Variants in GRIA1 observed in about 807,000 individuals in gnomAD.
GRIA1 encodes the protein glutamate receptor 1.
In GRIA1, 31 loss-of-function variants were observed where a neutral mutation model predicts 99.2. The ratio of observed to expected loss-of-function variants is 0.31; its 90% CI spans 0.23 to 0.42. GRIA1 has a LOEUF of 0.42. Among genes scored for constraint, GRIA1 ranks in the 10% least tolerant of loss-of-function variants. The probability of loss-of-function intolerance (pLI) is 1.00; values close to 1 mark genes in which losing one functional copy is unlikely to be tolerated. For missense variants in GRIA1, 782 were observed against 1,157.5 expected (o/e 0.68, Z 4.71); for synonymous variants, 438 against 432.4 (o/e 1.01, Z -0.16).
rs141729679 is a variant in GRIA1 at position 153,686,307 on chromosome 5, T to C, written c.1112T>C (p.Met371Thr). The C allele has an allele frequency of 2.0e-5, 32 of 1,613,696 alleles. No individual in the cohort carries two copies. Among genetic ancestry groups the C allele is most frequent in the Non-Finnish European group, 2.5e-5 (29 of 1,179,652 alleles). ...AACTACACGCTCCACGTGATTGAAA[T>C]GAAACATGACGGCATCCGAAAGGTA... Reference protein sequence around the residue: ...RTNYTLHVIEMKHDGIRKIGY... With the variant: ...RTNYTLHVIETKHDGIRKIGY... Residue 371 changes from methionine to threonine, a missense_variant, in exon 8 of 16, where the codon ATG becomes ACG. By Grantham distance (81) the Met-to-Thr change is moderately conservative. This residue lies in a region of GRIA1 where 461 missense variants were observed against 521.7 expected (regional missense o/e 0.88). Coordinates refer to ENST00000285900, the MANE Select transcript of GRIA1 (RefSeq NM_000827.4).
At chr5:153,679,483 G>T (rs1057459245) in intron 7 of GRIA1, among the ~76,000 whole-genome samples, 5 of 152,190 alleles carry the variant, frequency 3.3e-5, no homozygotes, top group Admixed American at 6.5e-5. Flanking sequence ...CTCACCCAGG[G>T]TCACACAGCA....
chr5:153,558,542 T>A (rs1375400792), intron 2 of GRIA1, among the ~76,000 whole-genome samples: 1 of 152,142 alleles, frequency 6.6e-6, no homozygotes, highest in African/African-American at 2.4e-5. Context: ...TTGAGATCCG[T>A]TCACATTGTT....
At position 153,589,064 on chromosome 5, in the gene GRIA1, T is replaced by C. The variant is rs959558333; in HGVS notation, c.221-57864T>C. ...AAAAAGAGAAACGAATCAAAATATC[T>C]TGGAAATAAAATTCTGTTCCTCTCT... On this transcript the variant is annotated intron_variant, in intron 2 of 15. Transcript: ENST00000285900. Among the ~76,000 whole-genome samples, 46 of 152,284 alleles carry C rather than the reference T, an allele frequency of 3.0e-4. 1 individual carries two copies. Among genetic ancestry groups the C allele is most frequent in the South Asian group, 2.1e-4 (1 of 4,820 alleles).
intron 2 of GRIA1, among the ~76,000 whole-genome samples, chr5:153,567,547 C>T (rs1249247782): frequency 6.6e-6 from 1 of 152,116 alleles, no homozygotes; most frequent in Non-Finnish European, 1.5e-5. Flanking sequence ...CACTAGGTAC[C>T]ATTAGTACCT....
chr5:153,807,003 C>T (rs114502762), intron 15 of GRIA1, among the ~76,000 whole-genome samples: 211 of 152,340 alleles, frequency 1.4e-3, no homozygotes, highest in Non-Finnish European at 2.5e-3. Flanking sequence ...CACATGGCAA[C>T]GGATCATTTT....
chr5:153,505,468 C>T (rs1434935022), intron 2 of GRIA1, among the ~76,000 whole-genome samples: 1 of 152,170 alleles, frequency 6.6e-6, no homozygotes, highest in African/African-American at 2.4e-5. Context: ...GAACATGCCC[C>T]AGAGAGCCTG....
chr5:153,761,720 T>C (rs1763193030), intron 11 of GRIA1, among the ~76,000 whole-genome samples: 1 of 152,234 alleles, frequency 6.6e-6, no homozygotes, highest in Non-Finnish European at 1.5e-5. Context: ...GGCACTTTCA[T>C]GTTTATTGCA....
At chr5:153,810,630 T>C (rs1182792420) in intron 15 of GRIA1, among the ~76,000 whole-genome samples, 2 of 152,226 alleles carry the variant, frequency 1.3e-5, no homozygotes, top group Non-Finnish European at 2.9e-5. Flanking sequence ...CTAATTAATG[T>C]CATAACCAGA....
intron 2 of GRIA1, among the ~76,000 whole-genome samples, chr5:153,531,924 TAGTG>T (rs1262038940): frequency 6.6e-6 from 1 of 152,088 alleles, no homozygotes; most frequent in Non-Finnish European, 1.5e-5. Context: ...TGGGGTCAGG[TAGTG>T]AGTAAGTGGT....
intron 4 of GRIA1, among the ~76,000 whole-genome samples, chr5:153,652,958 G>T (rs1425033669): frequency 1.3e-5 from 2 of 152,080 alleles, no homozygotes; most frequent in African/African-American, 2.4e-5. Flanking sequence ...ACTGCATACA[G>T]TCTAACACAA....
intron 2 of GRIA1, among the ~76,000 whole-genome samples, chr5:153,558,776 T>C (rs1031262631): frequency 3.9e-5 from 6 of 152,148 alleles, no homozygotes; most frequent in Non-Finnish European, 5.9e-5. Context: ...TTATGGAGAA[T>C]TGAGAAATAT....
At chr5:153,552,905 A>G (rs1760279642) in intron 2 of GRIA1, among the ~76,000 whole-genome samples, 1 of 152,140 alleles carries the variant, frequency 6.6e-6, no homozygotes, top group Non-Finnish European at 1.5e-5. Flanking sequence ...TGAATTATTT[A>G]TTTATTTCTC....
intron 11 of GRIA1, among the ~76,000 whole-genome samples, chr5:153,761,565 G>T (rs534725991): frequency 6.6e-6 from 1 of 152,294 alleles, no homozygotes; most frequent in African/African-American, 2.4e-5. Context: ...TATGCCGCTG[G>T]TGGGAATATA....
At chr5:153,755,011 C>T (rs1269032183) in intron 11 of GRIA1, among the ~76,000 whole-genome samples, 1 of 152,046 alleles carries the variant, frequency 6.6e-6, no homozygotes, top group Non-Finnish European at 1.5e-5. Flanking sequence ...TGAATAGGGG[C>T]TGATGCATTG....
intron 12 of GRIA1, among the ~76,000 whole-genome samples, chr5:153,767,735 A>G (rs1763614172): frequency 1.3e-5 from 2 of 152,182 alleles, no homozygotes; most frequent in Admixed American, 1.3e-4. Flanking sequence ...CCCAGCCCAG[A>G]GATGCTTAAT....
rs1227434669 is a variant in GRIA1, at chr5:153,677,262, T to C, written c.1029+101T>C. The stretch of plus-strand genomic sequence containing the variant: ...GCTATTCTAAAGAAAAGGAAGAAAA[T>C]GCCTGAAGTTCAGAACAACCACTGC... On this transcript the variant is annotated intron_variant, in intron 7 of 15. Coordinates refer to ENST00000285900, the MANE Select transcript of GRIA1 (RefSeq NM_000827.4). 9.9e-6 allele frequency: 10 copies of C among 1,008,870 alleles called. No individual in the cohort carries two copies. In the African/African-American group the frequency reaches 1.2e-4, roughly 12 times the overall value. 62.5% of individuals were successfully genotyped at this position (1,008,870 alleles called of 1,614,324 possible).
intron 15 of GRIA1, among the ~76,000 whole-genome samples, chr5:153,804,969 C>A (rs1766330638): frequency 1.3e-5 from 2 of 152,068 alleles, no homozygotes. Context: ...CCGGGCTGGT[C>A]TCAAACTCCT....
intron 11 of GRIA1, among the ~76,000 whole-genome samples, chr5:153,723,646 A>G (rs1264428699): frequency 2.0e-5 from 3 of 152,140 alleles, no homozygotes; most frequent in Non-Finnish European, 4.4e-5. Flanking sequence ...GATTGCTAGC[A>G]CAGCAGTCTG....
chr5:153,491,460 G>T (rs772667430), intron 1 of GRIA1: 1 of 275,870 alleles, frequency 3.6e-6, no homozygotes, highest in Non-Finnish European at 5.6e-6. Context: ...AGAAGAAGGA[G>T]TGAGGGGTGC....
Sources: gnomAD v4.1 joint callset for allele counts (sites outside exome capture counted in the v4.1 genomes callset) on GRCh38, gnomAD v4.1.1 for gene constraint, gnomAD v4.1.1 regional missense constraint, MANE v1.5 for transcripts, NCBI Gene and HGNC (gene_info 2026-07-23, HGNC 2026-07-21) for gene names.